Variants in PTOV1 observed in about 807,000 individuals in gnomAD.
The protein encoded by PTOV1 is PTOV1 extended AT-hook containing adaptor protein.
Under a neutral mutation model 58.0 loss-of-function variants are expected in PTOV1, and 20 were observed. The ratio of observed to expected loss-of-function variants is 0.34; its 90% confidence interval spans 0.24 to 0.50. PTOV1 has a LOEUF of 0.50. Among genes scored for constraint, PTOV1 ranks in the 20% least tolerant of loss-of-function variants. PTOV1 has a pLI of 0.98. For synonymous variants in PTOV1, 335 were observed against 234.2 expected (o/e 1.43, Z -3.93); for missense variants, 593 against 565.4 (o/e 1.05, Z -0.50).
At chr19:49,860,587 C>G (rs2074714516) in exon 12 of PTOV1, 2 of 534,934 alleles carry the variant, frequency 3.7e-6, no homozygotes, top group Admixed American at 6.9e-5. Context: ...CTGTGGCCAG[C>G]AGCCCCCACT....
intron 1 of PTOV1, among the ~76,000 whole-genome samples, chr19:49,853,488 TC>T (rs1402092896): frequency 7.7e-6 from 1 of 130,446 alleles, no homozygotes; most frequent in African/African-American, 3.0e-5. Flanking sequence ...AAACCCCATC[TC>T]TACTAAAAAA....
At chr19:49,857,711 G>T (rs746758899) in exon 7 of PTOV1, 1 of 1,614,106 alleles carries the variant, frequency 6.2e-7, no homozygotes, top group Non-Finnish European at 8.5e-7. Context: ...ACCTGGTGGT[G>T]TCAACTCAGG....
At chr19:49,859,956 T>C in intron 10 of PTOV1, 30 bp from the exon 11 acceptor site, 1 of 1,612,596 alleles carries the variant, frequency 6.2e-7, no homozygotes, top group Non-Finnish European at 8.5e-7. Context: ...TGTGGTGCTG[T>C]CTGGTGACAC....
At chr19:49,857,121 C>G in exon 6 of PTOV1, 1 of 1,614,042 alleles carries the variant, frequency 6.2e-7, no homozygotes, top group Non-Finnish European at 8.5e-7. Flanking sequence ...TCATCACCAC[C>G]CGCAAGCAGG....
chr19:49,857,704 T>C (rs745999507), exon 7 of PTOV1: 3 of 1,613,918 alleles, frequency 1.9e-6, no homozygotes, highest in Non-Finnish European at 2.5e-6. Flanking sequence ...CAGTGGGACC[T>C]GGTGGTGTCA....
chr19:49,858,717 C>T lies in PTOV1; in HGVS notation c.1041+64C>T, dbSNP rs2074596888. 2.8e-5 allele frequency: 37 copies of T among 1,334,604 alleles called. 1 individual carries two copies. Among genetic ancestry groups the T allele is most frequent in the South Asian group, 1.0e-4 (8 of 79,848 alleles). The allele number at this position is 1,334,604 out of a possible 1,614,324, so 82.7% of individuals were successfully genotyped here. A position where few individuals can be genotyped will look rare whatever the true frequency, so the allele number is the denominator to read the frequency against. ...GGGCAGAGCGAGCCCGGACCGCTCA[C>T]GGGGGCGGACATGGGAGAGGAACAG... On this transcript the variant is annotated intron_variant, in intron 10 of 11. Transcript: ENST00000391842.
exon 12 of PTOV1, chr19:49,860,299 C>T (rs1378219492): frequency 2.5e-6 from 4 of 1,612,460 alleles, no homozygotes; most frequent in South Asian, 1.1e-5. Context: ...CGGGCTGGGC[C>T]CCTCCAGGAG....
exon 12 of PTOV1, chr19:49,860,289 C>G (rs552306813): frequency 2.3e-5 from 36 of 1,568,816 alleles, no homozygotes; most frequent in South Asian, 6.7e-5. Flanking sequence ...GTGGTTACCC[C>G]GGGCTGGGCC....
chr19:49,857,894 C>A lies in PTOV1; in HGVS notation c.805-10C>A, dbSNP rs1332379879. ...GCCCTGAGGGCTCCTCTTTGCCTCT[C>A]CCCCAAAAGCCCAGGCCTGAGCCCA... On this transcript the variant is annotated splice_polypyrimidine_tract_variant and intron_variant, in intron 7 of 11. Coordinates refer to ENST00000391842, the Ensembl canonical transcript of PTOV1. 4 of 1,612,976 alleles carry A rather than the reference C, an allele frequency of 2.5e-6. No individual in the cohort carries two copies. In the African/African-American group the frequency reaches 4.0e-5, roughly 16 times the overall value.
chr19:49,857,573 A>C, intron 6 of PTOV1, 120 bp from the exon 7 acceptor site: 1 of 913,450 alleles, frequency 1.1e-6, no homozygotes, highest in South Asian at 1.5e-5. Context: ...GGGACTAGAG[A>C]ATGGACCCAG....
chr19:49,860,030 C>G, exon 11 of PTOV1: 1 of 1,614,166 alleles, frequency 6.2e-7, no homozygotes, highest in East Asian at 2.2e-5. Flanking sequence ...GTGAGATCCG[C>G]GTGCTTATGC....
At chr19:49,853,775 C>T (rs759199466) in intron 1 of PTOV1, among the ~76,000 whole-genome samples, 2 of 152,170 alleles carry the variant, frequency 1.3e-5, no homozygotes, top group Non-Finnish European at 2.9e-5. Context: ...AAATGTTTCC[C>T]CCTTTTCCTC....
chr19:49,858,534 C>T lies in PTOV1; in HGVS notation c.937-15C>T, dbSNP rs2074585081. ...GGGAGAAGCCAGAGCTGGGGGTCCC[C>T]TCGCTTCCCCGCAGACCACCCTAGT... On this transcript the variant is annotated splice_polypyrimidine_tract_variant and intron_variant, in intron 9 of 11. Transcript: ENST00000391842. The T allele has an allele frequency of 1.3e-6, 2 of 1,575,190 alleles. No homozygotes were observed. Among genetic ancestry groups the T allele is most frequent in the African/African-American group, 1.3e-5 (1 of 74,112 alleles).
chr19:49,860,641 G>T lies in PTOV1; in HGVS notation c.*362G>T, dbSNP rs956222139. 1.1e-5 allele frequency: 5 copies of T among 442,256 alleles called. No individual in the cohort carries two copies. In the Admixed American group the frequency reaches 1.6e-4, roughly 14 times the overall value. 27.4% of individuals were successfully genotyped at this position (442,256 alleles called of 1,614,324 possible). Reference sequence around the variant, plus strand: ...GACACGCTTCTGAGCAGGGGCCCCTGGGGACTTCAACTGCCCAGCAACATG... The same window carrying T: ...GACACGCTTCTGAGCAGGGGCCCCTTGGGACTTCAACTGCCCAGCAACATG... On this transcript the variant is annotated 3_prime_UTR_variant, in exon 12 of 12. Transcript: ENST00000391842.
exon 1 of PTOV1, chr19:49,851,163 G>C: frequency 8.0e-7 from 1 of 1,249,190 alleles, no homozygotes; most frequent in East Asian, 3.4e-5. Context: ...CGCCTCAGTG[G>C]TTCGGCCGCG....
intron 5 of PTOV1, 47 bp from the exon 6 acceptor site, chr19:49,856,927 AG>A: frequency 6.2e-7 from 1 of 1,604,904 alleles, no homozygotes; most frequent in Non-Finnish European, 8.5e-7. Context: ...GTGGGGGCAC[AG>A]TGGCCCCGGG....
chr19:49,856,677 C>A, intron 5 of PTOV1: 1 of 400,766 alleles, frequency 2.5e-6, no homozygotes, highest in Non-Finnish European at 4.6e-6. Flanking sequence ...CCCCATCAGG[C>A]AGTCAGGAGG....
chr19:49,860,260 C>A lies in PTOV1; in HGVS notation c.1240-8C>A, dbSNP rs201368485. 1 of 1,613,688 alleles carries A rather than the reference C, an allele frequency of 6.2e-7. No homozygotes were observed. Among genetic ancestry groups the A allele is most frequent in the Non-Finnish European group, 8.5e-7 (1 of 1,179,788 alleles). On this transcript the variant is annotated splice_region_variant and splice_polypyrimidine_tract_variant and intron_variant, in intron 11 of 11. Transcript: ENST00000391842. ...TGCTCACCACTGGCCTCTGATTTCT[C>A]GCCGTAGATGGGGGGGTAGTGGTTA...
At chr19:49,860,245 T>C in intron 11 of PTOV1, 23 bp from the exon 12 acceptor site, 1 of 1,613,758 alleles carries the variant, frequency 6.2e-7, no homozygotes, top group African/African-American at 1.3e-5. Flanking sequence ...TGCTCACCAC[T>C]GGCCTCTGAT....
Sources: allele counts gnomAD v4.1 joint callset (sites outside exome capture counted in the v4.1 genomes callset), GRCh38; gene constraint gnomAD v4.1.1; transcripts MANE v1.5; gene names NCBI Gene and HGNC (gene_info 2026-07-23, HGNC 2026-07-21).